The following WDR73 variants were observed in gnomAD, a reference collection of about 807,000 sequenced individuals.
WDR73 encodes the protein integrator complex assembly factor WDR73.
WDR73 carries 30 observed loss-of-function variants against 38.2 expected under a neutral mutation model. The observed-to-expected ratio is 0.79, with a 90% CI of 0.59 to 1.06. WDR73 has a LOEUF of 1.06. Among genes scored for constraint, WDR73 ranks in the 50% least tolerant of loss-of-function variants. WDR73 has a pLI of 0.00. For missense variants in WDR73, 487 were observed against 467.0 expected (o/e 1.04, Z -0.40); for synonymous variants, 197 against 176.0 (o/e 1.12, Z -0.94).
rs2141830649 is a variant in WDR73 at position 84,642,055 on chromosome 15, C to T, written c.*1415G>A. On this transcript the variant is annotated 3_prime_UTR_variant, in exon 8 of 8. Coordinates refer to ENST00000434634, the MANE Select transcript of WDR73 (RefSeq NM_032856.5). ...ACCAGCGAATTCACACAGGAGAAAT[C>T]CCCTGGCCGGGCGCGGTGGCTCACA... 6.6e-6 allele frequency: 1 copy of T among 152,116 alleles called. No individual in the cohort carries two copies. The highest frequency in any genetic ancestry group is 1.9e-4 in the East Asian group (1 of 5,136). The allele number at this position is 152,116 out of a possible 1,614,324, so 9.4% of individuals were successfully genotyped here.
chr15:84,646,427 T>C, intron 5 of WDR73, 79 bp from the exon 6 acceptor site: 6 of 1,523,898 alleles, frequency 3.9e-6, no homozygotes, highest in South Asian at 2.6e-5. Flanking sequence ...TGTCTTCCCC[T>C]GTACATTTAG....
At chr15:84,645,180 G>A in intron 7 of WDR73, 1 of 1,260,364 alleles carries the variant, frequency 7.9e-7, no homozygotes, top group Non-Finnish European at 1.0e-6. Context: ...TTTTCTTTCT[G>A]ACCCAGCCCG....
At chr15:84,651,474 A>G (rs1243414979) in intron 3 of WDR73, among the ~76,000 whole-genome samples, 2 of 152,022 alleles carry the variant, frequency 1.3e-5, no homozygotes, top group Non-Finnish European at 2.9e-5. Context: ...CTGCCCCCAC[A>G]TGGCCCTTCA....
In WDR73 at chr15:84,646,281, G is replaced by A. The variant is rs776392635; in HGVS notation, c.420C>T (p.Ala140=). The change falls in exon 6 of 8, where the codon GCC becomes GCT. Residue 140 remains alanine, a synonymous_variant. Transcript: ENST00000434634. Reference sequence around the variant, plus strand: ...CTCCGGGTGCCAATGTGGAGAAGACGGCCACCCTAGGCCAGAGACTCTCCT... The same window carrying A: ...CTCCGGGTGCCAATGTGGAGAAGACAGCCACCCTAGGCCAGAGACTCTCCT... The part of the protein sequence containing the change: ...EKEESLWPRV[A]VFSTLAPGVL... 1.4e-5 allele frequency: 23 copies of A among 1,613,808 alleles called. No individual in the cohort carries two copies. Among genetic ancestry groups the A allele is most frequent in the Middle Eastern group, 1.6e-4 (1 of 6,082 alleles).
Position 84,650,354 on chromosome 15 carries a change from A to G in WDR73, c.199-1729T>C, listed in dbSNP as rs1330330033. Among the ~76,000 whole-genome samples the G allele has an allele frequency of 2.7e-5, 4 of 150,506 alleles. No individual in the cohort carries two copies. In the East Asian group the frequency reaches 7.9e-4, roughly 30 times the overall value. ...AGGCATATACCACCACACCCGGCTA[A>G]TTTTCTTTTTCTTTTTCTTTTTTTT... On this transcript the variant is annotated intron_variant, in intron 3 of 7. Coordinates refer to ENST00000434634, the MANE Select transcript of WDR73 (RefSeq NM_032856.5).
At position 84,651,109 on chromosome 15, in the gene WDR73, CA is replaced by C. The variant is rs1206249361; in HGVS notation, c.198+1604del. ...CAGCCTAGGTGACAGAGTGAGACCT[CA>C]AAAAAAAAAAAAAATTTTTTTAAGA... On this transcript the variant is annotated intron_variant, in intron 3 of 7. Coordinates refer to ENST00000434634, the MANE Select transcript of WDR73 (RefSeq NM_032856.5). Among the ~76,000 whole-genome samples the C allele has an allele frequency of 8.2e-3, 992 of 120,626 alleles. 5 individuals carry two copies. Among genetic ancestry groups the C allele is most frequent in the African/African-American group, 0.023 (741 of 32,154 alleles). The allele number at this position is 120,626 out of a possible 152,430, so 79.1% of individuals were successfully genotyped here.
rs1337281818 is a variant in WDR73 at position 84,640,933 on chromosome 15, T to C, written c.*2537A>G. ...GTATTAGCACTTGGCAAACGTTAGTTTTCATTATCATCATCATTATAATTA... is the reference window on the plus strand; with the variant it reads ...GTATTAGCACTTGGCAAACGTTAGTCTTCATTATCATCATCATTATAATTA... On this transcript the variant is annotated 3_prime_UTR_variant, in exon 8 of 8. Coordinates refer to ENST00000434634, the MANE Select transcript of WDR73 (RefSeq NM_032856.5). The C allele has an allele frequency of 6.6e-6, 1 of 152,164 alleles. No individual in the cohort carries two copies. Among genetic ancestry groups the C allele is most frequent in the African/African-American group, 2.4e-5 (1 of 41,418 alleles). 9.4% of individuals were successfully genotyped at this position (152,164 alleles called of 1,614,324 possible).
chr15:84,647,993 G>A (rs1311889691), intron 4 of WDR73, 39 bp from the exon 5 acceptor site: 3 of 1,585,674 alleles, frequency 1.9e-6, no homozygotes, highest in East Asian at 4.5e-5. Flanking sequence ...ACCATGGGGA[G>A]CTTATCCACA....
intron 5 of WDR73, chr15:84,646,620 C>T: frequency 3.0e-6 from 1 of 328,146 alleles, no homozygotes; most frequent in Non-Finnish European, 5.6e-6. Context: ...GCAATTCTGG[C>T]TTTTTATACT....
chr15:84,648,687 C>CT (rs1267907951), intron 3 of WDR73, 62 bp from the exon 4 acceptor site: 10 of 1,339,950 alleles, frequency 7.5e-6, no homozygotes, highest in Non-Finnish European at 1.1e-5. Context: ...CAGAGGAACT[C>CT]TAAGTGAGGA....
chr15:84,652,690 C>A, intron 3 of WDR73, 24 bp downstream of exon 3: 1 of 1,312,282 alleles, frequency 7.6e-7, no homozygotes, highest in Non-Finnish European at 1.0e-6. Context: ...AGTTGACATA[C>A]TCAGCATTTA....
At chr15:84,649,708 G>A (rs1011208294) in intron 3 of WDR73, among the ~76,000 whole-genome samples, 4 of 151,998 alleles carry the variant, frequency 2.6e-5, no homozygotes, top group Non-Finnish European at 5.9e-5. Flanking sequence ...AACCTCAGGT[G>A]ATCCGCCTGC....
In WDR73 at chr15:84,643,521, A is replaced by C; in HGVS notation, c.1086T>G (p.Asn362Lys). Residue 362 changes from asparagine (N) to lysine (K), a missense_variant, in exon 8 of 8, where the codon AAT becomes AAG. Asn to Lys is a moderately conservative substitution (Grantham distance 94, BLOSUM62 0). Transcript: ENST00000434634. ...AGTCCCACACATGCAGAGAGGCATC[A>C]TTTGTTGCTGATAACAAAGTCCTTG... ...CRPRTLLSATNDASLHVWDWV... is the reference protein window; with the variant it reads ...CRPRTLLSATKDASLHVWDWV... 2.5e-6 allele frequency: 4 copies of C among 1,591,648 alleles called. No homozygotes were observed. Among genetic ancestry groups the C allele is most frequent in the Non-Finnish European group, 2.6e-6 (3 of 1,168,578 alleles).
intron 7 of WDR73, chr15:84,644,098 A>T (rs961594119): frequency 9.3e-6 from 2 of 214,686 alleles, no homozygotes; most frequent in African/African-American, 4.7e-5. Flanking sequence ...CTAATTCTGG[A>T]CAAGTATTAG....
At chr15:84,653,444 A>G in intron 2 of WDR73, 188 bp downstream of exon 2, 1 of 519,026 alleles carries the variant, frequency 1.9e-6, no homozygotes, top group Non-Finnish European at 3.5e-6. Context: ...TGCTGGGATT[A>G]CAGGCGTGAA....
chr15:84,648,601 T>G lies in WDR73; in HGVS notation c.223A>C (p.Lys75Gln), dbSNP rs1256100222. 9.3e-6 allele frequency: 15 copies of G among 1,613,824 alleles called. No individual in the cohort carries two copies. In the East Asian group the frequency reaches 3.3e-4, roughly 36 times the overall value. The part of the protein sequence containing the change: ...NKGLFPERDF[K>Q]VRHGGFSDRS... Reference sequence around the variant, plus strand: ...TCTGAAAATCCTCCATGGCGCACTTTGAAATCTCTTTCTGGGAATAAGCCC... The same window carrying G: ...TCTGAAAATCCTCCATGGCGCACTTGGAAATCTCTTTCTGGGAATAAGCCC... The change falls in exon 4 of 8, where the codon AAA becomes CAA. Residue 75 changes from lysine (K) to glutamine (Q), a missense_variant. Physicochemically the swap from Lys to Gln is moderately conservative, Grantham distance 53. Transcript: ENST00000434634.
At chr15:84,652,189 T>C (rs558922453) in intron 3 of WDR73, among the ~76,000 whole-genome samples, 1 of 152,334 alleles carries the variant, frequency 6.6e-6, no homozygotes, top group Admixed American at 6.5e-5. Context: ...TCAATGATTT[T>C]ATTGGAACTC....
At chr15:84,645,171 T>A in intron 7 of WDR73, 1 of 1,236,630 alleles carries the variant, frequency 8.1e-7, no homozygotes, top group Non-Finnish European at 1.0e-6. Context: ...ACTGTCCCCT[T>A]TTCTTTCTGA....
chr15:84,648,371 T>C (rs958438496), intron 4 of WDR73, 166 bp downstream of exon 4: 3 of 614,480 alleles, frequency 4.9e-6, no homozygotes, highest in South Asian at 4.0e-5. Flanking sequence ...CAGTGGTTTC[T>C]TTGTATTCTA....
Sources: gnomAD v4.1 joint callset for allele counts (sites outside exome capture counted in the v4.1 genomes callset) on GRCh38, gnomAD v4.1.1 for gene constraint, MANE v1.5 for transcripts, NCBI Gene and HGNC (gene_info 2026-07-23, HGNC 2026-07-21) for gene names.